RUNDC3B: variants seen among roughly 807,000 people sequenced by gnomAD.
RUNDC3B encodes RUN domain-containing protein 3B.
A neutral mutation model predicts 58.4 loss-of-function variants in RUNDC3B; 33 were observed. The observed-to-expected ratio is 0.56, with a 90% CI of 0.43 to 0.75. The LOEUF is 0.75. Ranked by LOEUF, RUNDC3B falls within the 30% of genes least tolerant of loss-of-function variation. The pLI is 0.00. For missense variants in RUNDC3B, 501 were observed against 535.7 expected, an observed-to-expected ratio of 0.94 and a Z score of 0.64; for synonymous variants, 193 against 195.2, an observed-to-expected ratio of 0.99 and a Z score of 0.10.
chr7:87,747,297 G>T (rs977286237), intron 6 of RUNDC3B, among the ~76,000 whole-genome samples: 24 of 152,172 alleles, frequency 1.6e-4, no homozygotes, highest in East Asian at 5.8e-4. Flanking sequence ...CTACTGGGGG[G>T]GTGTGTGCAC....
At chr7:87,702,142 CAAAAAAAAAA>C (rs146127516) in intron 3 of RUNDC3B, among the ~76,000 whole-genome samples, 12 of 16,772 alleles carry the variant, frequency 7.2e-4, no homozygotes, top group East Asian at 5.2e-3. Context: ...GACTCTGTCT[CAAAAAAAAAA>C]AAAAAAAAAA....
chr7:87,801,118 T>C (rs1836125728), intron 8 of RUNDC3B, among the ~76,000 whole-genome samples: 1 of 152,214 alleles, frequency 6.6e-6, no homozygotes, highest in Non-Finnish European at 1.5e-5. Context: ...AAGTTGTGGA[T>C]TCTGGAGCAT....
chr7:87,820,146 A>C (rs978729942), intron 10 of RUNDC3B, among the ~76,000 whole-genome samples: 3 of 152,108 alleles, frequency 2.0e-5, no homozygotes, highest in Non-Finnish European at 4.4e-5. Flanking sequence ...GCTAGCAAGA[A>C]TAATAAAGAA....
chr7:87,735,056 C>T (rs1429136110), intron 4 of RUNDC3B, among the ~76,000 whole-genome samples: 3 of 152,150 alleles, frequency 2.0e-5, no homozygotes, highest in Non-Finnish European at 4.4e-5. Flanking sequence ...TCCATATGAC[C>T]ATGATACCAC....
intron 1 of RUNDC3B, among the ~76,000 whole-genome samples, chr7:87,634,718 G>A (rs1419899589): frequency 1.3e-5 from 2 of 151,940 alleles, no homozygotes; most frequent in African/African-American, 2.4e-5. Context: ...TGCCTCATAA[G>A]ACTGTTCATA....
At chr7:87,791,878 T>C (rs1485127623) in intron 8 of RUNDC3B, among the ~76,000 whole-genome samples, 1 of 151,876 alleles carries the variant, frequency 6.6e-6, no homozygotes, top group African/African-American at 2.4e-5. Context: ...GATAACAACA[T>C]TGAATGTAAA....
chr7:87,633,927 A>C (rs1387142752), intron 1 of RUNDC3B, among the ~76,000 whole-genome samples: 1 of 152,206 alleles, frequency 6.6e-6, no homozygotes, highest in African/African-American at 2.4e-5. Context: ...TTTAGCTAAC[A>C]GTTCTGTAGG....
At chr7:87,705,355 G>C (rs1334206966) in intron 3 of RUNDC3B, among the ~76,000 whole-genome samples, 1 of 152,174 alleles carries the variant, frequency 6.6e-6, no homozygotes, top group African/African-American at 2.4e-5. Context: ...GAACCCAGGA[G>C]GCAGAGGTTG....
chr7:87,706,960 G>A (rs1829651716), intron 3 of RUNDC3B, among the ~76,000 whole-genome samples: 1 of 152,182 alleles, frequency 6.6e-6, no homozygotes, highest in African/African-American at 2.4e-5. Context: ...CAAGCAAGGT[G>A]AAGGGGAACT....
Position 87,830,210 on chromosome 7 carries a change from T to G in RUNDC3B, c.*180T>G. 1 of 386,232 alleles carries G rather than the reference T, an allele frequency of 2.6e-6. No individual in the cohort carries two copies. The highest frequency in any genetic ancestry group is 4.6e-6 in the Non-Finnish European group (1 of 218,640). 23.9% of individuals were successfully genotyped at this position (386,232 alleles called of 1,614,324 possible). On this transcript the variant is annotated 3_prime_UTR_variant, in exon 11 of 11. Transcript: ENST00000394654. ...GAAAAACATAATGATCCTGCCATTT[T>G]TCATTTTTAAAATTCTTACATTTGT...
At chr7:87,709,550 A>G in intron 3 of RUNDC3B, 2 of 983,246 alleles carry the variant, frequency 2.0e-6, no homozygotes, top group Non-Finnish European at 2.4e-6. Flanking sequence ...CTTATCATTC[A>G]TTTTCTTCCC....
intron 9 of RUNDC3B, 83 bp from the exon 10 acceptor site, chr7:87,816,058 T>C: frequency 1.0e-6 from 1 of 963,126 alleles, no homozygotes; most frequent in African/African-American, 1.7e-5. Flanking sequence ...AAATTTAACA[T>C]ATTGAAAACC....
intron 8 of RUNDC3B, among the ~76,000 whole-genome samples, chr7:87,783,820 A>T (rs1374905848): frequency 6.6e-6 from 1 of 152,124 alleles, no homozygotes; most frequent in Non-Finnish European, 1.5e-5. Flanking sequence ...GAATGCTGAA[A>T]ATATGTTCCC....
chr7:87,755,834 C>T (rs1833336610), intron 6 of RUNDC3B, among the ~76,000 whole-genome samples: 1 of 152,152 alleles, frequency 6.6e-6, no homozygotes. Context: ...TCTCTCTCAC[C>T]ACTTCTATTC....
At chr7:87,717,197 G>T (rs1390554701) in intron 4 of RUNDC3B, among the ~76,000 whole-genome samples, 1 of 152,036 alleles carries the variant, frequency 6.6e-6, no homozygotes, top group South Asian at 2.1e-4. Flanking sequence ...GATAATGGAG[G>T]TATTCTATAT....
chr7:87,804,739 A>C (rs1836351947), intron 8 of RUNDC3B, among the ~76,000 whole-genome samples: 1 of 152,194 alleles, frequency 6.6e-6, no homozygotes, highest in African/African-American at 2.4e-5. Context: ...TAGCAGACTA[A>C]TTTCAGCATT....
intron 1 of RUNDC3B, among the ~76,000 whole-genome samples, chr7:87,635,519 T>C (rs1408752106): frequency 6.6e-6 from 1 of 152,214 alleles, no homozygotes. Context: ...GAAATCTTAG[T>C]GTCAAGTCTG....
chr7:87,787,269 A>G (rs868405973), intron 8 of RUNDC3B, among the ~76,000 whole-genome samples: 23 of 152,298 alleles, frequency 1.5e-4, no homozygotes, highest in Middle Eastern at 3.4e-3. Flanking sequence ...TTAAAAAATC[A>G]ACTGTCAAGA....
intron 2 of RUNDC3B, among the ~76,000 whole-genome samples, chr7:87,682,164 A>G (rs1826990174): frequency 6.6e-6 from 1 of 152,192 alleles, no homozygotes; most frequent in African/African-American, 2.4e-5. Flanking sequence ...GATTGCAATA[A>G]TTCAGTCACA....
Sources: allele counts gnomAD v4.1 joint callset (sites outside exome capture counted in the v4.1 genomes callset), GRCh38; gene constraint gnomAD v4.1.1; transcripts MANE v1.5; gene names NCBI Gene and HGNC (gene_info 2026-07-23, HGNC 2026-07-21).